Variants in PCDH11X observed in about 807,000 individuals in gnomAD.
PCDH11X encodes protocadherin-11 X-linked.
In PCDH11X, 18 loss-of-function variants were observed where a neutral mutation model predicts 53.3. The observed-to-expected ratio is 0.34, with a 90% confidence interval of 0.23 to 0.50. PCDH11X has a LOEUF of 0.50. Among genes scored for constraint, PCDH11X ranks in the 20% least tolerant of loss-of-function variants. PCDH11X has a pLI of 0.98. For missense variants in PCDH11X, 570 were observed against 1,032.4 expected, an observed-to-expected ratio of 0.55 and a Z score of 6.14; for synonymous variants, 279 against 393.3, an observed-to-expected ratio of 0.71 and a Z score of 3.44.
intron 5 of PCDH11X, among the ~76,000 whole-genome samples, chrX:91,875,539 C>A (rs1939565887): frequency 9.1e-6 from 1 of 109,384 alleles, no homozygotes; most frequent in Non-Finnish European, 1.9e-5. Context: ...GATCCGCCCG[C>A]CTCGGCCTCC....
chrX:92,606,938 A>G (rs1926889023), intron 10 of PCDH11X, among the ~76,000 whole-genome samples: 1 of 110,372 alleles, frequency 9.1e-6, no homozygotes, highest in Admixed American at 9.7e-5. Flanking sequence ...CTTCATTAGC[A>G]GTTAGGGATA....
rs1015754517 is a variant in PCDH11X, at chrX:91,823,657, G to A, written c.-44-11804G>A. Among the ~76,000 whole-genome samples the A allele has an allele frequency of 4.8e-4, 53 of 111,311 alleles. 1 individual carries two copies. The highest frequency in any genetic ancestry group is 1.7e-3 in the African/African-American group (52 of 30,633). On this transcript the variant is annotated intron_variant, in intron 4 of 10. Transcript: ENST00000682573. ...TGCCAGTCTGTGTCTTTTAATTGGAGCATTTAGTCCATTTACATTTAAAGT... is the reference window on the plus strand; with the variant it reads ...TGCCAGTCTGTGTCTTTTAATTGGAACATTTAGTCCATTTACATTTAAAGT...
intron 8 of PCDH11X, among the ~76,000 whole-genome samples, chrX:92,294,293 C>G (rs1360981791): frequency 3.6e-5 from 4 of 109,790 alleles, no homozygotes; most frequent in East Asian, 2.9e-4. Context: ...AGGCACCCAC[C>G]ACCACGCCCA....
At chrX:92,342,633 T>A (rs931293559) in intron 8 of PCDH11X, among the ~76,000 whole-genome samples, 16 of 111,473 alleles carry the variant, frequency 1.4e-4, no homozygotes, top group African/African-American at 5.2e-4. Flanking sequence ...TTCTCACTTA[T>A]AAGTGGGAGG....
At chrX:92,463,550 C>T (rs1345266396) in intron 9 of PCDH11X, among the ~76,000 whole-genome samples, 1 of 111,532 alleles carries the variant, frequency 9.0e-6, no homozygotes, top group Non-Finnish European at 1.9e-5. Flanking sequence ...TTGTGTTAGT[C>T]TTAGATCTAA....
At chrX:91,843,917 A>G (rs981020322) in intron 5 of PCDH11X, among the ~76,000 whole-genome samples, 2 of 111,068 alleles carry the variant, frequency 1.8e-5, no homozygotes, top group African/African-American at 3.3e-5. Context: ...AAGTCTTTCT[A>G]TTATCTTAAT....
chrX:91,890,508 A>G (rs1940427148), intron 6 of PCDH11X, among the ~76,000 whole-genome samples: 2 of 110,225 alleles, frequency 1.8e-5, no homozygotes, highest in Non-Finnish European at 3.8e-5. Flanking sequence ...ACATATAAAA[A>G]ATTAAATTGA....
At chrX:92,011,782 G>A (rs1569306640) in intron 6 of PCDH11X, among the ~76,000 whole-genome samples, 1 of 111,062 alleles carries the variant, frequency 9.0e-6, no homozygotes, top group Admixed American at 9.6e-5. Context: ...TGATACTTAG[G>A]TTTTAGAATC....
intron 1 of PCDH11X, among the ~76,000 whole-genome samples, chrX:91,802,236 TTCTC>T (rs2147542432): frequency 8.9e-6 from 1 of 112,755 alleles, no homozygotes; most frequent in South Asian, 3.6e-4. Flanking sequence ...TAGAAAAGGA[TTCTC>T]TCTCAGCTCA....
intron 6 of PCDH11X, among the ~76,000 whole-genome samples, chrX:92,169,700 A>T (rs1230683253): frequency 9.2e-6 from 1 of 108,899 alleles, no homozygotes; most frequent in Admixed American, 1.0e-4. Flanking sequence ...AGTTCCAGAA[A>T]CATTTATTGG....
At chrX:92,537,259 CTT>C (rs1469659959) in intron 10 of PCDH11X, among the ~76,000 whole-genome samples, 23 of 105,107 alleles carry the variant, frequency 2.2e-4, no homozygotes, top group African/African-American at 7.6e-4. Context: ...TGGAGTATTA[CTT>C]AAGAAATTTT....
intron 6 of PCDH11X, among the ~76,000 whole-genome samples, chrX:92,124,586 G>A (rs1295491197): frequency 1.9e-5 from 2 of 107,991 alleles, no homozygotes; most frequent in East Asian, 5.8e-4. Flanking sequence ...ACCGCAAGAG[G>A]TGTGACTAGC....
chrX:92,445,923 G>T (rs2072631908), intron 9 of PCDH11X, among the ~76,000 whole-genome samples: 1 of 110,738 alleles, frequency 9.0e-6, no homozygotes, highest in South Asian at 3.8e-4. Flanking sequence ...AACTGGATTA[G>T]AAAATTATGC....
chrX:92,092,815 T>A (rs761530870), intron 6 of PCDH11X, among the ~76,000 whole-genome samples: 1 of 111,819 alleles, frequency 8.9e-6, no homozygotes, highest in South Asian at 3.8e-4. Flanking sequence ...AGATGTGGTT[T>A]GGATCTGTGT....
At chrX:92,529,347 G>T (rs1359280359) in intron 10 of PCDH11X, among the ~76,000 whole-genome samples, 1 of 108,267 alleles carries the variant, frequency 9.2e-6, no homozygotes, top group Non-Finnish European at 1.9e-5. Flanking sequence ...TCAGAGAAAT[G>T]CTAATCACAG....
chrX:91,941,310 C>A (rs1023488803), intron 6 of PCDH11X, among the ~76,000 whole-genome samples: 9 of 111,424 alleles, frequency 8.1e-5, no homozygotes, highest in African/African-American at 2.0e-4. Context: ...TAAAAATAGA[C>A]AAGATTTTAA....
At chrX:92,576,873 T>C (rs1296937671) in intron 10 of PCDH11X, among the ~76,000 whole-genome samples, 1 of 111,670 alleles carries the variant, frequency 9.0e-6, no homozygotes, top group Non-Finnish European at 1.9e-5. Flanking sequence ...AGTGTTATAA[T>C]ATTGTTTTAT....
intron 6 of PCDH11X, among the ~76,000 whole-genome samples, chrX:92,128,895 C>A (rs779007783): frequency 1.8e-5 from 2 of 109,377 alleles, no homozygotes; most frequent in South Asian, 7.7e-4. Context: ...ATATTCTGGA[C>A]ATACCTAGGA....
intron 10 of PCDH11X, among the ~76,000 whole-genome samples, chrX:92,550,554 T>G (rs1283381116): frequency 9.1e-6 from 1 of 109,854 alleles, no homozygotes; most frequent in African/African-American, 3.3e-5. Context: ...GCTACCCATC[T>G]CCTCAAGTAT....
Sources: gnomAD v4.1 joint callset for allele counts (sites outside exome capture counted in the v4.1 genomes callset) on GRCh38, gnomAD v4.1.1 for gene constraint, MANE v1.5 for transcripts, NCBI Gene and HGNC (gene_info 2026-07-23, HGNC 2026-07-21) for gene names.